The following RRP12 variants were observed in gnomAD, a reference collection of about 807,000 sequenced individuals.
RRP12 encodes the protein ribosomal RNA processing 12 homolog.
RRP12 carries 78 observed loss-of-function variants against 157.3 expected under a neutral mutation model. The observed-to-expected ratio is 0.50, with a 90% CI of 0.41 to 0.60. RRP12 has a LOEUF of 0.60. RRP12 is among the 20% of genes least tolerant of loss of function. The pLI, the probability that RRP12 is intolerant of heterozygous loss-of-function variation, is 0.00. For missense variants in RRP12, 1,521 were observed against 1,679.9 expected (o/e 0.91, Z 1.65); for synonymous variants, 726 against 670.9 (o/e 1.08, Z -1.27).
chr10:97,369,322 C>CA (rs1844073050), intron 25 of RRP12, 103 bp downstream of exon 25: 68 of 1,252,090 alleles, frequency 5.4e-5, no homozygotes, highest in Non-Finnish European at 6.5e-5. Context: ...CCTCTGGCTA[C>CA]AAAAAAAATA....
chr10:97,373,052 G>A lies in RRP12; in HGVS notation c.2175C>T (p.Asp725=), dbSNP rs766691437. 9 of 1,611,332 alleles carry A rather than the reference G, an allele frequency of 5.6e-6. No homozygotes were observed. The South Asian group carries it at 9.9e-5, about 18-fold the overall frequency. The change falls in exon 18 of 34, where the codon GAC becomes GAT. Residue 725 remains aspartate (D), a synonymous_variant. Coordinates refer to ENST00000370992, the MANE Select transcript of RRP12 (RefSeq NM_015179.4). ...ETIRTYLTIT[D]TQLVNSLLEK... ...CCTCCCTTCCGTGGCTCACCTGAGT[G>A]TCAGTGATGGTGAGGTAAGTTCTGA...
At chr10:97,381,659 A>G in intron 11 of RRP12, 56 bp downstream of exon 11, 1 of 1,453,374 alleles carries the variant, frequency 6.9e-7, no homozygotes, top group South Asian at 1.2e-5. Flanking sequence ...TGGGAAAGAC[A>G]GGGCAGCCCA....
At chr10:97,390,980 A>G (rs1844787818) in intron 4 of RRP12, 136 bp from the exon 5 acceptor site, 1 of 666,028 alleles carries the variant, frequency 1.5e-6, no homozygotes, top group Admixed American at 2.3e-5. Flanking sequence ...CAAAGTCAGA[A>G]TAGGCACCCA....
chr10:97,365,104 C>T (rs762111659), intron 29 of RRP12, among the ~76,000 whole-genome samples: 6 of 151,990 alleles, frequency 3.9e-5, no homozygotes, highest in African/African-American at 1.5e-4. Flanking sequence ...AGCAAGGAAA[C>T]GGAGCTAAGG....
Position 97,396,285 on chromosome 10 carries a change from G to C in RRP12, c.386C>G (p.Ala129Gly), listed in dbSNP as rs202174876. 17 of 1,613,738 alleles carry C rather than the reference G, an allele frequency of 1.1e-5. No homozygotes were observed. The African/African-American group carries it at 2.3e-4, about 22-fold the overall frequency. ...GGAGCGAATCACCTCAGTGACAGCA[G>C]CCAGAACAGCACAGATCTGCACAGG... ...AAHKEICAVL[A>G]AVTEVIRSQG... The change falls in exon 3 of 34, where the codon GCT (alanine) becomes GGT (glycine). Residue 129 changes from alanine to glycine, a missense_variant. Physicochemically the swap from Ala to Gly is moderately conservative, Grantham distance 60. Transcript: ENST00000370992.
chr10:97,366,419 G>T, intron 28 of RRP12, 27 bp downstream of exon 28: 1 of 1,579,812 alleles, frequency 6.3e-7, no homozygotes, highest in South Asian at 1.1e-5. Context: ...TCTGTTTTCT[G>T]AGTGCACTGG....
rs768928402 is a variant in RRP12 at position 97,366,557 on chromosome 10, C to T, written c.3280G>A (p.Gly1094Ser). 13 of 1,614,026 alleles carry T rather than the reference C, an allele frequency of 8.1e-6. No individual in the cohort carries two copies. Among genetic ancestry groups the T allele is most frequent in the Non-Finnish European group, 1.0e-5 (12 of 1,180,052 alleles). Residue 1094 changes from glycine to serine, a missense_variant, in exon 28 of 34, where the codon GGC becomes AGC. Coordinates refer to ENST00000370992, the MANE Select transcript of RRP12 (RefSeq NM_015179.4). ...CGTGCCAGCTTCCGCTGCTCCTTGCCTCGGCTTCTTTCCTCCTCCTCATTG... is the reference window on the plus strand; with the variant it reads ...CGTGCCAGCTTCCGCTGCTCCTTGCTTCGGCTTCTTTCCTCCTCCTCATTG... ...EDNEEEERSR[G>S]KEQRKLARQR...
At chr10:97,357,226 T>C (rs1843734375) in intron 33 of RRP12, 30 bp from the exon 34 acceptor site, 2 of 1,455,302 alleles carry the variant, frequency 1.4e-6, no homozygotes, top group Non-Finnish European at 1.9e-6. Flanking sequence ...AAGGGTCACA[T>C]CTGGCTGAGA....
Position 97,372,647 on chromosome 10 carries a change from G to A in RRP12, c.2249+89C>T, listed in dbSNP as rs960724396. ...ATACTTCAAGGCTTCCTTAAATAAT[G>A]CAAGAGGGAACCCACAGTGCTTCTG... is the stretch of plus-strand genomic sequence containing the variant. On this transcript the variant is annotated intron_variant, in intron 19 of 33. Transcript: ENST00000370992. The A allele has an allele frequency of 1.4e-5, 15 of 1,041,286 alleles. No homozygotes were observed. The African/African-American group carries it at 1.9e-4, about 13-fold the overall frequency. 64.5% of individuals were successfully genotyped at this position (1,041,286 alleles called of 1,614,324 possible).
intron 6 of RRP12, 58 bp from the exon 7 acceptor site, chr10:97,388,682 G>A (rs539666491): frequency 6.3e-7 from 1 of 1,593,622 alleles, no homozygotes; most frequent in Non-Finnish European, 8.6e-7. Flanking sequence ...AGCATCTTGG[G>A]TGTCCGGCAC....
chr10:97,381,301 T>C lies in RRP12; in HGVS notation c.1418+85A>G, dbSNP rs1023909457. The C allele has an allele frequency of 1.9e-5, 19 of 977,118 alleles. No homozygotes were observed. In the African/African-American group the frequency reaches 2.5e-4, roughly 13 times the overall value. 60.5% of individuals were successfully genotyped at this position (977,118 alleles called of 1,614,324 possible). ...CTGCCACTGCAGGCCTGGCCCACAGTAGGTGGAGAGTGGAGCATTCGTATT... is the reference window on the plus strand; with the variant it reads ...CTGCCACTGCAGGCCTGGCCCACAGCAGGTGGAGAGTGGAGCATTCGTATT... On this transcript the variant is annotated intron_variant, in intron 12 of 33. Coordinates refer to ENST00000370992, the MANE Select transcript of RRP12 (RefSeq NM_015179.4).
intron 6 of RRP12, among the ~76,000 whole-genome samples, chr10:97,388,934 C>T (rs1244700936): frequency 6.6e-6 from 1 of 152,192 alleles, no homozygotes; most frequent in African/African-American, 2.4e-5. Flanking sequence ...ACTTAATCAT[C>T]CGGCAAACAC....
intron 15 of RRP12, among the ~76,000 whole-genome samples, chr10:97,374,694 C>T (rs185284500): frequency 4.7e-5 from 7 of 149,706 alleles, no homozygotes; most frequent in South Asian, 2.1e-4. Flanking sequence ...ATGGAGTGAA[C>T]CCGGGAGGTG....
rs147408915 is a variant in RRP12 at position 97,358,976 on chromosome 10, C to G, written c.3675G>C (p.Lys1225Asn). 4 of 1,613,828 alleles carry G rather than the reference C, an allele frequency of 2.5e-6. No individual in the cohort carries two copies. In the South Asian group the frequency reaches 3.3e-5, roughly 13 times the overall value. ...GGSGIHRPVAKKAMPGAEYKA... is the reference protein window; with the variant it reads ...GGSGIHRPVANKAMPGAEYKA... ...TGTATTCAGCCCCAGGCATAGCCTT[C>G]TTGGCCACAGGGCGATGAATGCCAG... The change falls in exon 32 of 34, where the codon AAG (lysine) becomes AAC (asparagine). Residue 1225 changes from lysine to asparagine, a missense_variant. By Grantham distance (94) the Lys-to-Asn change is moderately conservative. Transcript: ENST00000370992.
rs541189611 is a variant in RRP12 at position 97,381,543 on chromosome 10, C to T, written c.1321-60G>A. 3.7e-6 allele frequency: 5 copies of T among 1,365,554 alleles called. No homozygotes were observed. The African/African-American group carries it at 4.4e-5, about 12-fold the overall frequency. 84.6% of individuals were successfully genotyped at this position (1,365,554 alleles called of 1,614,324 possible). On this transcript the variant is annotated intron_variant, in intron 11 of 33. Coordinates refer to ENST00000370992, the MANE Select transcript of RRP12 (RefSeq NM_015179.4). ...GGCAGCCCCCCAGGACCACTCTCCC[C>T]TCCCAGGCAACAGTTTCCTGGGAGT...
At chr10:97,397,649 A>C (rs1274864456) in intron 2 of RRP12, among the ~76,000 whole-genome samples, 1 of 151,898 alleles carries the variant, frequency 6.6e-6, no homozygotes, top group Non-Finnish European at 1.5e-5. Context: ...AAAAAGTTGC[A>C]GAACAGTGGA....
In RRP12 at chr10:97,370,439, G is replaced by GC; in HGVS notation, c.2689+15dup. 1.3e-6 allele frequency: 2 copies of GC among 1,565,910 alleles called. No homozygotes were observed. Among genetic ancestry groups the GC allele is most frequent in the Non-Finnish European group, 1.7e-6 (2 of 1,150,308 alleles). On this transcript the variant is annotated intron_variant, in intron 23 of 33. Transcript: ENST00000370992. ...TCTATGAGCAGAGTGTCCACCCCCA[G>GC]CCCCCTGGGCCTCACCTTCCTGGTT... is the stretch of plus-strand genomic sequence containing the variant.
At chr10:97,399,698 T>C (rs1845082558) in intron 2 of RRP12, among the ~76,000 whole-genome samples, 1 of 138,310 alleles carries the variant, frequency 7.2e-6, no homozygotes, top group African/African-American at 2.7e-5. Flanking sequence ...CTACTAAAAA[T>C]ACACACACAC....
chr10:97,401,017 G>A, intron 1 of RRP12, 76 bp downstream of exon 1: 4 of 1,547,170 alleles, frequency 2.6e-6, no homozygotes, highest in Middle Eastern at 2.0e-4. Context: ...CACTCTCCCA[G>A]AGGCCCCAGA....
Sources: gnomAD v4.1 joint callset for allele counts (sites outside exome capture counted in the v4.1 genomes callset) on GRCh38, gnomAD v4.1.1 for gene constraint, MANE v1.5 for transcripts, NCBI Gene and HGNC (gene_info 2026-07-23, HGNC 2026-07-21) for gene names.